Variants in GRM8 observed in about 807,000 individuals in gnomAD.
GRM8 encodes the protein metabotropic glutamate receptor 8.
A neutral mutation model predicts 87.2 loss-of-function variants in GRM8; 47 were observed. That is an observed-to-expected ratio of 0.54 (90% CI 0.43 to 0.69). The LOEUF (loss-of-function observed/expected upper bound fraction) is 0.69. Among genes scored for constraint, GRM8 ranks in the 30% least tolerant of loss-of-function variants. The probability of loss-of-function intolerance (pLI) is 0.00; values close to 1 mark genes in which losing one functional copy is unlikely to be tolerated. For missense variants in GRM8, 1,019 were observed against 1,139.2 expected (o/e 0.89, Z 1.52); for synonymous variants, 396 against 404.5 (o/e 0.98, Z 0.25).
At chr7:126,852,759 ATG>A (rs1235834171) in intron 6 of GRM8, among the ~76,000 whole-genome samples, 2 of 152,004 alleles carry the variant, frequency 1.3e-5, no homozygotes, top group South Asian at 2.1e-4. Context: ...TGATCAAAAT[ATG>A]TGTGTGTTAT....
intron 6 of GRM8, among the ~76,000 whole-genome samples, chr7:126,772,930 G>A (rs1463105983): frequency 1.3e-5 from 2 of 152,270 alleles, no homozygotes; most frequent in South Asian, 4.1e-4. Flanking sequence ...TAATTTAATT[G>A]TCCTGAAATT....
At chr7:127,197,088 C>T (rs375705439) in intron 2 of GRM8, among the ~76,000 whole-genome samples, 3 of 152,096 alleles carry the variant, frequency 2.0e-5, no homozygotes, top group East Asian at 3.9e-4. Context: ...TATTGTAATT[C>T]TGAATTCACT....
intron 7 of GRM8, among the ~76,000 whole-genome samples, chr7:126,704,617 G>A (rs959237426): frequency 2.6e-5 from 4 of 152,126 alleles, no homozygotes; most frequent in African/African-American, 9.7e-5. Context: ...ACATCCCTGA[G>A]AAAGAGAATG....
intron 6 of GRM8, among the ~76,000 whole-genome samples, chr7:126,797,945 G>A (rs1822155023): frequency 6.6e-6 from 1 of 152,010 alleles, no homozygotes; most frequent in Non-Finnish European, 1.5e-5. Flanking sequence ...TGAACTGATA[G>A]TATTTGAAAA....
At chr7:127,125,765 A>C (rs868841274) in intron 2 of GRM8, among the ~76,000 whole-genome samples, 2 of 141,094 alleles carry the variant, frequency 1.4e-5, no homozygotes, top group Non-Finnish European at 3.1e-5. Context: ...CAAACAACTA[A>C]ACACACACAC....
At chr7:127,051,142 T>A (rs1397024665) in intron 3 of GRM8, among the ~76,000 whole-genome samples, 6 of 152,216 alleles carry the variant, frequency 3.9e-5, no homozygotes, top group Non-Finnish European at 8.8e-5. Flanking sequence ...CCTAGATAGA[T>A]GCCTTAGTGG....
At chr7:126,695,881 G>T (rs912048232) in intron 7 of GRM8, among the ~76,000 whole-genome samples, 1 of 152,174 alleles carries the variant, frequency 6.6e-6, no homozygotes, top group Non-Finnish European at 1.5e-5. Flanking sequence ...GGCCATTCAG[G>T]AAAGAAATGA....
chr7:126,980,225 T>C (rs1009114488), intron 3 of GRM8, among the ~76,000 whole-genome samples: 6 of 152,186 alleles, frequency 3.9e-5, no homozygotes, highest in African/African-American at 1.2e-4. Flanking sequence ...ACTGAACATA[T>C]AACCACAAAT....
intron 7 of GRM8, among the ~76,000 whole-genome samples, chr7:126,610,434 C>A (rs1397525582): frequency 6.6e-6 from 1 of 152,092 alleles, no homozygotes; most frequent in Non-Finnish European, 1.5e-5. Context: ...TCTGTCTTCC[C>A]TCTGCAGGCC....
At chr7:126,971,614 T>C (rs1810435503) in intron 3 of GRM8, among the ~76,000 whole-genome samples, 1 of 152,180 alleles carries the variant, frequency 6.6e-6, no homozygotes, top group Non-Finnish European at 1.5e-5. Context: ...GCCACCTTCA[T>C]CAAGGAACTT....
chr7:126,915,169 G>C (rs1230682911), intron 3 of GRM8, among the ~76,000 whole-genome samples: 1 of 152,010 alleles, frequency 6.6e-6, no homozygotes, highest in African/African-American at 2.4e-5. Context: ...TCGTCTCTAG[G>C]GTCAGACTTC....
intron 2 of GRM8, among the ~76,000 whole-genome samples, chr7:127,122,242 C>T (rs1230572535): frequency 2.6e-5 from 4 of 152,294 alleles, no homozygotes; most frequent in Non-Finnish European, 4.4e-5. Context: ...TATCAACAGT[C>T]TACCTAGTAA....
At chr7:126,607,516 G>A (rs1277008697) in intron 8 of GRM8, among the ~76,000 whole-genome samples, 1 of 152,088 alleles carries the variant, frequency 6.6e-6, no homozygotes, top group African/African-American at 2.4e-5. Flanking sequence ...TCAAACATGA[G>A]AAAGCATGTA....
At chr7:127,205,325 G>A (rs970379344) in intron 2 of GRM8, among the ~76,000 whole-genome samples, 1 of 152,156 alleles carries the variant, frequency 6.6e-6, no homozygotes, top group African/African-American at 2.4e-5. Context: ...CGGTGAGATG[G>A]GAGGAGCCAC....
intron 7 of GRM8, among the ~76,000 whole-genome samples, chr7:126,625,168 GTGAGTATC>G (rs1800550765): frequency 6.6e-6 from 1 of 151,978 alleles, no homozygotes; most frequent in Admixed American, 6.6e-5. Flanking sequence ...ATAGTGTAGA[GTGAGTATC>G]AGACACTGGC....
intron 3 of GRM8, among the ~76,000 whole-genome samples, chr7:126,937,663 T>C (rs1168763106): frequency 6.6e-6 from 1 of 152,182 alleles, no homozygotes; most frequent in African/African-American, 2.4e-5. Flanking sequence ...CCCAGAGAAA[T>C]GTAATAACAA....
intron 7 of GRM8, among the ~76,000 whole-genome samples, chr7:126,641,045 T>A (rs1802329158): frequency 6.6e-6 from 1 of 152,144 alleles, no homozygotes; most frequent in African/African-American, 2.4e-5. Context: ...CCATAAAATG[T>A]CATAATCACT....
intron 7 of GRM8, among the ~76,000 whole-genome samples, chr7:126,748,153 C>T (rs902905320): frequency 2.0e-5 from 3 of 151,850 alleles, no homozygotes; most frequent in African/African-American, 7.3e-5. Context: ...TAATGGAAGA[C>T]CTAACCAGTA....
At chr7:126,643,221 G>C (rs1331274556) in intron 7 of GRM8, among the ~76,000 whole-genome samples, 1 of 145,172 alleles carries the variant, frequency 6.9e-6, no homozygotes, top group Non-Finnish European at 1.5e-5. Flanking sequence ...GCCCCATGGG[G>C]CAGAAGTTTC....
Sources: allele counts gnomAD v4.1 joint callset (sites outside exome capture counted in the v4.1 genomes callset), GRCh38; gene constraint gnomAD v4.1.1; transcripts MANE v1.5; gene names NCBI Gene and HGNC (gene_info 2026-07-23, HGNC 2026-07-21).